ARHGAP26: variants seen among roughly 807,000 people sequenced by gnomAD.
ARHGAP26 encodes the protein rho GTPase-activating protein 26.
ARHGAP26 carries 38 observed loss-of-function variants against 104.8 expected under a neutral mutation model. That is an observed-to-expected ratio of 0.36 (90% CI 0.28 to 0.48). The LOEUF is 0.48. Among genes scored for constraint, ARHGAP26 ranks in the 20% least tolerant of loss-of-function variants. The pLI is 0.99. For missense variants in ARHGAP26, 704 were observed against 947.9 expected (o/e 0.74, Z 3.38); for synonymous variants, 341 against 340.0 (o/e 1.00, Z -0.03).
intron 18 of ARHGAP26, among the ~76,000 whole-genome samples, chr5:143,129,510 C>T (rs1450962101): frequency 6.6e-6 from 1 of 152,144 alleles, no homozygotes; most frequent in Non-Finnish European, 1.5e-5. Flanking sequence ...CTCTGTCTCT[C>T]AAATTAATAG....
chr5:142,932,841 G>A (rs1408516108), intron 11 of ARHGAP26, among the ~76,000 whole-genome samples: 1 of 152,178 alleles, frequency 6.6e-6, no homozygotes, highest in South Asian at 2.1e-4. Flanking sequence ...CAGCTGATTT[G>A]TGTGTGTCTT....
intron 17 of ARHGAP26, among the ~76,000 whole-genome samples, chr5:143,065,214 T>G (rs950649280): frequency 6.6e-6 from 1 of 152,180 alleles, no homozygotes; most frequent in Non-Finnish European, 1.5e-5. Context: ...AGATTTCTTA[T>G]ACATTGGCCT....
chr5:142,913,317 C>T, intron 10 of ARHGAP26, 24 bp downstream of exon 10: 1 of 1,600,128 alleles, frequency 6.2e-7, no homozygotes, highest in Non-Finnish European at 8.6e-7. Context: ...ATGCTTTTCT[C>T]AGGAGCAAAT....
intron 18 of ARHGAP26, among the ~76,000 whole-genome samples, chr5:143,124,273 G>A (rs916344758): frequency 1.3e-5 from 2 of 152,262 alleles, no homozygotes; most frequent in Non-Finnish European, 2.9e-5. Flanking sequence ...AAAAGAAGGT[G>A]TGGAAACCTA....
intron 12 of ARHGAP26, among the ~76,000 whole-genome samples, chr5:143,021,421 G>A (rs1780317082): frequency 6.6e-6 from 1 of 152,106 alleles, no homozygotes; most frequent in Non-Finnish European, 1.5e-5. Context: ...AATAACATTG[G>A]CCTATGTTAT....
intron 1 of ARHGAP26, among the ~76,000 whole-genome samples, chr5:142,794,547 A>T (rs1401336023): frequency 2.0e-5 from 3 of 152,186 alleles, no homozygotes; most frequent in Non-Finnish European, 4.4e-5. Context: ...GTAACCCTGG[A>T]CATTCAAATT....
chr5:143,201,323 A>G (rs2151313647), intron 20 of ARHGAP26, among the ~76,000 whole-genome samples: 1 of 152,314 alleles, frequency 6.6e-6, no homozygotes, highest in East Asian at 1.9e-4. Context: ...GGTTGTAGGA[A>G]TGCCTTTAGC....
At chr5:142,877,974 A>C (rs1756373806) in intron 3 of ARHGAP26, among the ~76,000 whole-genome samples, 1 of 152,204 alleles carries the variant, frequency 6.6e-6, no homozygotes, top group African/African-American at 2.4e-5. Flanking sequence ...AATCAAACAA[A>C]TTAACACCGC....
chr5:142,986,185 T>C (rs1480006771), intron 11 of ARHGAP26, among the ~76,000 whole-genome samples: 2 of 152,198 alleles, frequency 1.3e-5, no homozygotes, highest in African/African-American at 4.8e-5. Context: ...CCTGACTTTT[T>C]AATGATCGCC....
At chr5:142,816,166 C>A (rs1051462544) in intron 1 of ARHGAP26, among the ~76,000 whole-genome samples, 6 of 152,116 alleles carry the variant, frequency 3.9e-5, no homozygotes, top group Non-Finnish European at 8.8e-5. Flanking sequence ...ACTGTACACT[C>A]ATTTGGGTAC....
At chr5:143,107,623 GA>G (rs1345279932) in intron 17 of ARHGAP26, among the ~76,000 whole-genome samples, 2 of 152,176 alleles carry the variant, frequency 1.3e-5, no homozygotes, top group Non-Finnish European at 2.9e-5. Flanking sequence ...CTTCCCCTTT[GA>G]AAAATATCTG....
At chr5:142,950,397 ATTTT>A (rs536009059) in intron 11 of ARHGAP26, among the ~76,000 whole-genome samples, 3 of 147,050 alleles carry the variant, frequency 2.0e-5, no homozygotes, top group Non-Finnish European at 1.5e-5. Context: ...TAGTGGTGGG[ATTTT>A]TTTTTTTTAA....
At chr5:142,903,769 C>T (rs1760708323) in intron 8 of ARHGAP26, 100 bp downstream of exon 8, 2 of 1,238,590 alleles carry the variant, frequency 1.6e-6, no homozygotes, top group Non-Finnish European at 2.2e-6. Context: ...TAGATACATG[C>T]TTGGATAACA....
chr5:142,992,753 T>C (rs1775805934), intron 11 of ARHGAP26, among the ~76,000 whole-genome samples: 4 of 152,066 alleles, frequency 2.6e-5, no homozygotes, highest in Non-Finnish European at 5.9e-5. Flanking sequence ...GCACATAGGG[T>C]ATGCAAAGAT....
intron 20 of ARHGAP26, among the ~76,000 whole-genome samples, chr5:143,161,968 A>G (rs1350594624): frequency 1.3e-5 from 2 of 152,216 alleles, no homozygotes; most frequent in Non-Finnish European, 1.5e-5. Flanking sequence ...GCCCTGAGAT[A>G]GAAAAGGAGA....
rs116887043 is a variant in ARHGAP26, at chr5:143,056,161, A to T, written c.1432+75A>T. 3,452 of 1,225,632 alleles carry T rather than the reference A, an allele frequency of 2.8e-3. 63 individuals carry two copies. The East Asian group carries it at 0.041, about 15-fold the overall frequency. 75.9% of individuals were successfully genotyped at this position (1,225,632 alleles called of 1,614,324 possible). A position where few individuals can be genotyped will look rare whatever the true frequency, so the allele number is the denominator to read the frequency against. ...TTTCAAAGAAGAGTCAGTATCCCAA[A>T]ATAAATATTACCTAACCCTTCGTAT... On this transcript the variant is annotated intron_variant, in intron 16 of 22. Transcript: ENST00000645722.
Position 143,133,984 on chromosome 5 carries a change from C to T in ARHGAP26, c.1716C>T (p.Pro572=), listed in dbSNP as rs1007597016. 3 of 1,611,620 alleles carry T rather than the reference C, an allele frequency of 1.9e-6. No individual in the cohort carries two copies. Among genetic ancestry groups the T allele is most frequent in the Non-Finnish European group, 1.7e-6 (2 of 1,178,726 alleles). ...GTTTGCAGATATTTAACACCGTGCC[C>T]GATATGCCTCTCACCAATGCCCAGC... The part of the protein sequence containing the change: ...ENHEKIFNTV[P]DMPLTNAQLH... Residue 572 remains proline, a synonymous_variant, in exon 19 of 23, where the codon CCC becomes CCT. Coordinates refer to ENST00000645722, the MANE Select transcript of ARHGAP26 (RefSeq NM_001135608.3).
chr5:143,195,932 T>C (rs947996749), intron 20 of ARHGAP26, among the ~76,000 whole-genome samples: 1 of 152,096 alleles, frequency 6.6e-6, no homozygotes, highest in Non-Finnish European at 1.5e-5. Context: ...GGGAATTCTG[T>C]ACTTTCTGCT....
intron 18 of ARHGAP26, among the ~76,000 whole-genome samples, chr5:143,123,048 G>A (rs2063578691): frequency 6.6e-6 from 1 of 152,180 alleles, no homozygotes; most frequent in South Asian, 2.1e-4. Flanking sequence ...TTGTTCCTCA[G>A]TAGGCACTAG....
Sources: gnomAD v4.1 joint callset for allele counts (sites outside exome capture counted in the v4.1 genomes callset) on GRCh38, gnomAD v4.1.1 for gene constraint, MANE v1.5 for transcripts, NCBI Gene and HGNC (gene_info 2026-07-23, HGNC 2026-07-21) for gene names.